Variants in MAST4 observed in about 807,000 individuals in gnomAD.
MAST4 encodes the protein microtubule-associated serine/threonine-protein kinase 4.
Under a neutral mutation model 162.7 loss-of-function variants are expected in MAST4, and 89 were observed. The observed-to-expected ratio is 0.55, with a 90% confidence interval of 0.46 to 0.65. MAST4 has a LOEUF of 0.65. MAST4 is among the 30% of genes least tolerant of loss of function. The pLI, the probability that MAST4 is intolerant of heterozygous loss-of-function variation, is 0.00. For synonymous variants in MAST4, 1,479 were observed against 1,361.1 expected, an observed-to-expected ratio of 1.09 and a Z score of -1.91; for missense variants, 3,153 against 3,374.0, an observed-to-expected ratio of 0.93 and a Z score of 1.62.
At chr5:66,944,248 G>A (rs1486162932) in intron 4 of MAST4, among the ~76,000 whole-genome samples, 1 of 152,100 alleles carries the variant, frequency 6.6e-6, no homozygotes, top group African/African-American at 2.4e-5. Context: ...GTCCTGAATT[G>A]CCTTATATGA....
At chr5:66,673,039 ATTGT>A (rs1747707219) in intron 1 of MAST4, among the ~76,000 whole-genome samples, 1 of 152,074 alleles carries the variant, frequency 6.6e-6, no homozygotes, top group African/African-American at 2.4e-5. Flanking sequence ...TCTAATTACC[ATTGT>A]TTGAGCATGT....
intron 4 of MAST4, among the ~76,000 whole-genome samples, chr5:66,950,436 C>T (rs1003404666): frequency 5.9e-5 from 9 of 152,108 alleles, no homozygotes; most frequent in African/African-American, 1.9e-4. Context: ...TCCCCTTCCC[C>T]TAGTCTCTGA....
chr5:66,754,269 A>T (rs1474187103), intron 1 of MAST4, among the ~76,000 whole-genome samples: 1 of 152,228 alleles, frequency 6.6e-6, no homozygotes, highest in Non-Finnish European at 1.5e-5. Flanking sequence ...TATATATGCT[A>T]GCAGGGATAC....
At chr5:67,142,761 A>G (rs1770556438) in intron 21 of MAST4, 1 of 419,894 alleles carries the variant, frequency 2.4e-6, no homozygotes, top group Non-Finnish European at 4.2e-6. Flanking sequence ...GAGACAACAG[A>G]GATTCAGATA....
At chr5:66,729,819 G>T in intron 1 of MAST4, among the ~76,000 whole-genome samples, 1 of 152,316 alleles carries the variant, frequency 6.6e-6, no homozygotes, top group East Asian at 1.9e-4. Flanking sequence ...ATAGGTAACA[G>T]AACTTATTTA....
rs571084736 is a variant in MAST4, at chr5:66,918,703, A to G, written c.674+18721A>G. Among the ~76,000 whole-genome samples, 3 of 152,288 alleles carry G rather than the reference A, an allele frequency of 2.0e-5. No homozygotes were observed. The South Asian group carries it at 6.2e-4, about 32-fold the overall frequency. Reference sequence around the variant, plus strand: ...CAAATGTGAGGTCTCTATTTTACTTATGGAAGTAGAAGGACATCCTCATGT... The same window carrying G: ...CAAATGTGAGGTCTCTATTTTACTTGTGGAAGTAGAAGGACATCCTCATGT... On this transcript the variant is annotated intron_variant, in intron 4 of 28. Coordinates refer to ENST00000403625, the MANE Select transcript of MAST4 (RefSeq NM_001164664.2).
In MAST4 at chr5:66,715,424, C is replaced by T. The variant is rs372360798; in HGVS notation, c.364-44285C>T. 7.4e-5 allele frequency among the ~76,000 whole-genome samples: 11 copies of T among 149,150 alleles called. 1 individual carries two copies. In the East Asian group the frequency reaches 1.8e-3, roughly 24 times the overall value. On this transcript the variant is annotated intron_variant, in intron 1 of 28. Transcript: ENST00000403625. ...CAGGAATTTAAAGAATTAAGGGCCA[C>T]AGCTATCACAACACTTCTTTCATTC...
intron 4 of MAST4, among the ~76,000 whole-genome samples, chr5:66,939,651 A>G (rs1259279157): frequency 1.3e-5 from 2 of 152,078 alleles, no homozygotes; most frequent in African/African-American, 2.4e-5. Flanking sequence ...TTCTAGATCT[A>G]TATATAAAAC....
At chr5:66,671,534 T>C (rs1381480138) in intron 1 of MAST4, among the ~76,000 whole-genome samples, 3 of 152,178 alleles carry the variant, frequency 2.0e-5, no homozygotes, top group Non-Finnish European at 2.9e-5. Flanking sequence ...CAATTCTGCA[T>C]TGGAGGATGA....
chr5:67,148,420 G>A (rs1333862555), intron 23 of MAST4, among the ~76,000 whole-genome samples: 1 of 152,124 alleles, frequency 6.6e-6, no homozygotes, highest in Non-Finnish European at 1.5e-5. Flanking sequence ...CCTTCTGGGG[G>A]ACTCAAAATG....
chr5:67,100,495 T>A lies in MAST4; in HGVS notation c.973T>A (p.Leu325Ile). 6.2e-7 allele frequency: 1 copy of A among 1,613,792 alleles called. No homozygotes were observed. Among genetic ancestry groups the A allele is most frequent in the South Asian group, 1.1e-5 (1 of 91,062 alleles). Reference sequence around the variant, plus strand: ...ACCATACCAACCAACACCAGACGAGTTACACTTCTTATCAAAACATTTCTG... The same window carrying A: ...ACCATACCAACCAACACCAGACGAGATACACTTCTTATCAAAACATTTCTG... ...QLPYQPTPDE[L>I]HFLSKHFCTT... The change falls in exon 8 of 29, where the codon TTA becomes ATA. Residue 325 changes from leucine (L) to isoleucine (I), a missense_variant. By Grantham distance (5) the Leu-to-Ile change is conservative (BLOSUM62 2). Around this residue, in one of 7 missense-constraint regions of MAST4, gnomAD observed 360 missense variants for 450.0 expected, o/e 0.80. Coordinates refer to ENST00000403625, the MANE Select transcript of MAST4 (RefSeq NM_001164664.2).
chr5:66,866,571 T>C (rs1032345679), intron 3 of MAST4, among the ~76,000 whole-genome samples: 2 of 152,220 alleles, frequency 1.3e-5, no homozygotes, highest in Admixed American at 6.5e-5. Flanking sequence ...TTTACTTACG[T>C]TCAGGGATCT....
chr5:66,703,158 A>AG (rs1749890872), intron 1 of MAST4, among the ~76,000 whole-genome samples: 1 of 152,022 alleles, frequency 6.6e-6, no homozygotes, highest in South Asian at 2.1e-4. Context: ...GGAGGGGAGT[A>AG]GGGGGTAGGA....
intron 3 of MAST4, among the ~76,000 whole-genome samples, chr5:66,884,560 C>T (rs909668976): frequency 1.2e-4 from 18 of 152,146 alleles, no homozygotes; most frequent in Non-Finnish European, 2.5e-4. Flanking sequence ...AGCTCTAACC[C>T]AGAAGCCTGT....
At chr5:66,953,670 T>TTTTAAG (rs1219234383) in intron 4 of MAST4, among the ~76,000 whole-genome samples, 2 of 152,104 alleles carry the variant, frequency 1.3e-5, no homozygotes, top group Non-Finnish European at 2.9e-5. Context: ...TGCTCCTCCC[T>TTTTAAG]TGCCCCATTT....
chr5:66,601,558 A>T (rs1742549978), intron 1 of MAST4, among the ~76,000 whole-genome samples: 1 of 152,016 alleles, frequency 6.6e-6, no homozygotes, highest in Non-Finnish European at 1.5e-5. Context: ...GTGAGCTGAG[A>T]CCCCCAGGAT....
In MAST4 at chr5:67,160,555, C is replaced by A; in HGVS notation, c.3748C>A (p.Arg1250=). Residue 1250 remains arginine, a synonymous_variant, in exon 27 of 29, where the codon CGG becomes AGG. Coordinates refer to ENST00000403625, the MANE Select transcript of MAST4 (RefSeq NM_001164664.2). ...RNSYKSRMVR[R]SKKSKKKESL... ...CAGCTATAAGAGCCGGATGGTGAGG[C>A]GGAGCAAGAAATCCAAGAAGAAAGA... 1 of 1,613,098 alleles carries A rather than the reference C, an allele frequency of 6.2e-7. No individual in the cohort carries two copies.
chr5:67,072,298 A>T (rs1057398572), intron 5 of MAST4, among the ~76,000 whole-genome samples: 8 of 152,230 alleles, frequency 5.3e-5, no homozygotes, highest in Non-Finnish European at 1.2e-4. Flanking sequence ...AATACATCAT[A>T]GCAGCGTGTC....
Position 67,160,574 on chromosome 5 carries a change from A to C in MAST4, c.3767A>C (p.Lys1256Thr), listed in dbSNP as rs377607328. The C allele has an allele frequency of 1.9e-6, 3 of 1,613,570 alleles. No individual in the cohort carries two copies. The highest frequency in any genetic ancestry group is 2.5e-6 in the Non-Finnish European group (3 of 1,179,742). Residue 1256 changes from lysine (K) to threonine (T), a missense_variant, in exon 27 of 29, where the codon AAG (lysine) becomes ACG (threonine). Around this residue, in one of 7 missense-constraint regions of MAST4, gnomAD observed 619 missense variants for 744.2 expected, o/e 0.83. Coordinates refer to ENST00000403625, the MANE Select transcript of MAST4 (RefSeq NM_001164664.2). The part of the protein sequence containing the change: ...RMVRRSKKSK[K>T]KESLERRRSL... ...GTGAGGCGGAGCAAGAAATCCAAGA[A>C]GAAAGAAAGTCTCGAAAGGTTAGTA... is the stretch of plus-strand genomic sequence containing the variant.
Sources: gnomAD v4.1 joint callset for allele counts (sites outside exome capture counted in the v4.1 genomes callset) on GRCh38, gnomAD v4.1.1 for gene constraint, gnomAD v4.1.1 regional missense constraint, MANE v1.5 for transcripts, NCBI Gene and HGNC (gene_info 2026-07-23, HGNC 2026-07-21) for gene names.